The following XKR4 variants were observed in gnomAD, a reference collection of about 807,000 sequenced individuals.
XKR4 encodes the protein XK-related protein 4.
In XKR4, 12 loss-of-function variants were observed where a neutral mutation model predicts 53.9. The ratio of observed to expected loss-of-function variants is 0.22; its 90% confidence interval spans 0.14 to 0.36. The LOEUF (loss-of-function observed/expected upper bound fraction) is 0.36, where lower values mean the gene tolerates loss of function less well. Ranked by LOEUF, XKR4 falls within the 10% of genes least tolerant of loss-of-function variation. The pLI, the probability that XKR4 is intolerant of heterozygous loss-of-function variation, is 1.00. For synonymous variants in XKR4, 354 were observed against 362.4 expected, an observed-to-expected ratio of 0.98 and a Z score of 0.26; for missense variants, 799 against 859.5, an observed-to-expected ratio of 0.93 and a Z score of 0.88.
At chr8:55,262,765 TAGAGCTGG>T (rs933013842) in intron 1 of XKR4, among the ~76,000 whole-genome samples, 8 of 152,174 alleles carry the variant, frequency 5.3e-5, no homozygotes, top group Non-Finnish European at 1.2e-4. Context: ...ATGACAGTGG[TAGAGCTGG>T]CATTAGATGC....
rs188006847 is a variant in XKR4 at position 55,241,394 on chromosome 8, G to T, written c.807-116284G>T. On this transcript the variant is annotated intron_variant, in intron 1 of 2. Coordinates refer to ENST00000327381, the MANE Select transcript of XKR4 (RefSeq NM_052898.2). ...TTGCAGGAGCATTTTAATCATTAAAGTGAATAAGAGTTATTTTTTAAGCCC... is the reference window on the plus strand; with the variant it reads ...TTGCAGGAGCATTTTAATCATTAAATTGAATAAGAGTTATTTTTTAAGCCC... Among the ~76,000 whole-genome samples, 244 of 152,246 alleles carry T rather than the reference G, an allele frequency of 1.6e-3. 3 individuals carry two copies. The highest frequency in any genetic ancestry group is 5.5e-3 in the African/African-American group (230 of 41,548).
chr8:55,279,016 C>A (rs981912338), intron 1 of XKR4, among the ~76,000 whole-genome samples: 55 of 152,242 alleles, frequency 3.6e-4, no homozygotes, highest in African/African-American at 1.3e-3. Context: ...TATTTGAGAA[C>A]CTATTGTGTC....
chr8:55,336,425 A>G (rs1366862556), intron 1 of XKR4, among the ~76,000 whole-genome samples: 3 of 152,168 alleles, frequency 2.0e-5, no homozygotes, highest in Non-Finnish European at 4.4e-5. Flanking sequence ...TTTATCAGCA[A>G]CATGAAAACA....
intron 1 of XKR4, among the ~76,000 whole-genome samples, chr8:55,194,706 G>A (rs560973969): frequency 6.6e-6 from 1 of 152,262 alleles, no homozygotes; most frequent in East Asian, 1.9e-4. Flanking sequence ...CACTTTATGA[G>A]AAAGAGATGC....
At chr8:55,380,427 T>A (rs1443115329) in intron 2 of XKR4, among the ~76,000 whole-genome samples, 1 of 152,188 alleles carries the variant, frequency 6.6e-6, no homozygotes, top group Admixed American at 6.5e-5. Context: ...AGCAAAGACA[T>A]GTTCATTTTA....
At chr8:55,325,980 G>T (rs1306623869) in intron 1 of XKR4, among the ~76,000 whole-genome samples, 1 of 152,190 alleles carries the variant, frequency 6.6e-6, no homozygotes, top group Non-Finnish European at 1.5e-5. Flanking sequence ...ATGTGCCAGG[G>T]TTTATGCAAT....
intron 2 of XKR4, among the ~76,000 whole-genome samples, chr8:55,482,033 A>T (rs1478379949): frequency 6.6e-6 from 1 of 152,224 alleles, no homozygotes; most frequent in Non-Finnish European, 1.5e-5. Flanking sequence ...TGACCCAGCC[A>T]TCCCATTACT....
chr8:55,261,475 C>G (rs542544477), intron 1 of XKR4, among the ~76,000 whole-genome samples: 8 of 152,112 alleles, frequency 5.3e-5, no homozygotes, highest in Admixed American at 3.3e-4. Flanking sequence ...AGCATTGATC[C>G]AACAAGGTTT....
At chr8:55,296,647 G>A (rs940287691) in intron 1 of XKR4, among the ~76,000 whole-genome samples, 3 of 152,084 alleles carry the variant, frequency 2.0e-5, no homozygotes, top group African/African-American at 7.2e-5. Context: ...TTATGCATAA[G>A]TAAAAAGGTC....
In XKR4 at chr8:55,250,426, T is replaced by C. The variant is rs1179531136; in HGVS notation, c.807-107252T>C. 2.0e-5 allele frequency among the ~76,000 whole-genome samples: 3 copies of C among 152,312 alleles called. No homozygotes were observed. In the East Asian group the frequency reaches 5.8e-4, roughly 29 times the overall value. On this transcript the variant is annotated intron_variant, in intron 1 of 2. Coordinates refer to ENST00000327381, the MANE Select transcript of XKR4 (RefSeq NM_052898.2). ...TTGATTTATTTACTTATTTTTTACA[T>C]TCTAGCTCTGGCTGCCCTGATTCTG...
At chr8:55,138,900 CTG>C (rs1483973717) in intron 1 of XKR4, among the ~76,000 whole-genome samples, 1 of 152,174 alleles carries the variant, frequency 6.6e-6, no homozygotes, top group Non-Finnish European at 1.5e-5. Context: ...GAGAAGATAA[CTG>C]TCTAATTAAG....
At chr8:55,203,079 T>A (rs1015315951) in intron 1 of XKR4, among the ~76,000 whole-genome samples, 9 of 152,126 alleles carry the variant, frequency 5.9e-5, no homozygotes, top group African/African-American at 2.2e-4. Flanking sequence ...AAATGTGGGG[T>A]AAGGAGCTTG....
At chr8:55,449,454 AC>A in intron 2 of XKR4, 1 of 847,612 alleles carries the variant, frequency 1.2e-6, no homozygotes, top group Non-Finnish European at 1.9e-6. Context: ...TGCCCTGCCC[AC>A]CCCTAGTGGT....
rs931195528 is a variant in XKR4 at position 55,144,117 on chromosome 8, C to A, written c.806+40823C>A. On this transcript the variant is annotated intron_variant, in intron 1 of 2. Coordinates refer to ENST00000327381, the MANE Select transcript of XKR4 (RefSeq NM_052898.2). ...CTCTCTAATCTATCTCAGCCTATTT[C>A]TGATCAGATTAGTCTTTATAAAACA... 2.0e-5 allele frequency among the ~76,000 whole-genome samples: 3 copies of A among 152,180 alleles called. No individual in the cohort carries two copies. The East Asian group carries it at 5.8e-4, about 29-fold the overall frequency.
chr8:55,386,220 G>C (rs1256723003), intron 2 of XKR4, among the ~76,000 whole-genome samples: 1 of 152,178 alleles, frequency 6.6e-6, no homozygotes, highest in South Asian at 2.1e-4. Context: ...GGGATCAGGG[G>C]AGAGTCTTGC....
chr8:55,314,379 A>G (rs944580457), intron 1 of XKR4, among the ~76,000 whole-genome samples: 4 of 152,002 alleles, frequency 2.6e-5, no homozygotes, highest in African/African-American at 4.8e-5. Flanking sequence ...TCTCTGGGCT[A>G]AAGAAACCCT....
At chr8:55,339,291 C>G (rs1392847032) in intron 1 of XKR4, among the ~76,000 whole-genome samples, 1 of 152,192 alleles carries the variant, frequency 6.6e-6, no homozygotes, top group Non-Finnish European at 1.5e-5. Flanking sequence ...TACACGTGAT[C>G]TAACCCCCCT....
chr8:55,517,396 A>T (rs1156477058), intron 2 of XKR4: 1 of 151,996 alleles, frequency 6.6e-6, no homozygotes, highest in Non-Finnish European at 1.5e-5. Context: ...CAGGCTGCAC[A>T]CCCTCCCTCC....
At chr8:55,454,303 G>T in intron 2 of XKR4, 1 of 1,456,810 alleles carries the variant, frequency 6.9e-7, no homozygotes, top group Non-Finnish European at 9.6e-7. Flanking sequence ...AGGCCGCATT[G>T]ACCCCGATTA....
Sources: gnomAD v4.1 joint callset for allele counts (sites outside exome capture counted in the v4.1 genomes callset) on GRCh38, gnomAD v4.1.1 for gene constraint, MANE v1.5 for transcripts, NCBI Gene and HGNC (gene_info 2026-07-23, HGNC 2026-07-21) for gene names.